The following ZPBP variants were observed in gnomAD, a reference collection of about 807,000 sequenced individuals.
The protein encoded by ZPBP is zona pellucida-binding protein 1.
A neutral mutation model predicts 44.8 loss-of-function variants in ZPBP; 26 were observed. The ratio of observed to expected loss-of-function variants is 0.58; its 90% confidence interval spans 0.43 to 0.81. The LOEUF is 0.81. ZPBP is among the 30% of genes least tolerant of loss of function. The pLI is 0.00. For missense variants in ZPBP, 409 were observed against 434.0 expected (o/e 0.94, Z 0.51); for synonymous variants, 174 against 153.2 (o/e 1.14, Z -1.00).
At chr7:49,925,992 A>C (rs1794224207) in intron 1 of ZPBP, among the ~76,000 whole-genome samples, 1 of 152,192 alleles carries the variant, frequency 6.6e-6, no homozygotes, top group Non-Finnish European at 1.5e-5. Context: ...GGCCCTCAGG[A>C]CCTGCTTGGA....
At chr7:50,042,650 C>CAAGA (rs1415070281) in intron 4 of ZPBP, among the ~76,000 whole-genome samples, 1 of 152,132 alleles carries the variant, frequency 6.6e-6, no homozygotes, top group East Asian at 1.9e-4. Context: ...GCCTGCCTTA[C>CAAGA]AAGAGCTCCT....
chr7:50,053,797 A>G (rs1800803005), intron 4 of ZPBP, among the ~76,000 whole-genome samples: 2 of 152,126 alleles, frequency 1.3e-5, no homozygotes, highest in Admixed American at 6.6e-5. Context: ...TATATTGAAC[A>G]TTGCTCTTTG....
chr7:49,875,369 C>CGAAAAAA (rs1791360849), intron 2 of ZPBP, among the ~76,000 whole-genome samples: 1 of 19,016 alleles, frequency 5.3e-5, no homozygotes, highest in African/African-American at 2.2e-4. Context: ...GATTCTGACT[C>CGAAAAAA]AAAAAAAAAA....
chr7:50,011,673 A>C lies in ZPBP; in HGVS notation c.783+6567T>G, dbSNP rs188399176. Among the ~76,000 whole-genome samples the C allele has an allele frequency of 3.9e-4, 59 of 152,338 alleles. 1 individual carries two copies. The highest frequency in any genetic ancestry group is 1.2e-4 in the Non-Finnish European group (8 of 68,018). On this transcript the variant is annotated intron_variant, in intron 6 of 7. Transcript: ENST00000046087. Reference sequence around the variant, plus strand: ...GTGTGTCTTTAACCAAAACAGAATTAAACTAGAAATTGATAATAAGATATT... The same window carrying C: ...GTGTGTCTTTAACCAAAACAGAATTCAACTAGAAATTGATAATAAGATATT...
At chr7:49,984,540 T>C (rs1384633) in intron 6 of ZPBP, among the ~76,000 whole-genome samples, 77,097 of 151,948 alleles carry the variant, frequency 0.51, 20,406 homozygotes, top group East Asian at 0.69. Flanking sequence ...TAATCAGGCA[T>C]TAAGATTCTC....
intron 2 of ZPBP, among the ~76,000 whole-genome samples, chr7:49,871,948 CA>C (rs1284045936): frequency 2.8e-4 from 32 of 115,674 alleles, no homozygotes; most frequent in Non-Finnish European, 4.4e-4. Context: ...CACACACACA[CA>C]CACACACACC....
At chr7:49,980,358 T>C (rs1302320106) in intron 7 of ZPBP, among the ~76,000 whole-genome samples, 1 of 140,508 alleles carries the variant, frequency 7.1e-6, no homozygotes, top group African/African-American at 2.6e-5. Flanking sequence ...ATATAAAAAT[T>C]AATTTTTCAG....
chr7:50,046,194 C>A (rs1237077875), intron 4 of ZPBP, among the ~76,000 whole-genome samples: 1 of 152,104 alleles, frequency 6.6e-6, no homozygotes, highest in Non-Finnish European at 1.5e-5. Flanking sequence ...CATAAAAATC[C>A]TAGAAGAAAA....
rs376583858 is a variant in ZPBP at position 50,042,959 on chromosome 7, C to A, written c.488-11649G>T. Among the ~76,000 whole-genome samples the A allele has an allele frequency of 2.5e-4, 38 of 152,276 alleles. No individual in the cohort carries two copies. The East Asian group carries it at 6.9e-3, about 28-fold the overall frequency. Reference sequence around the variant, plus strand: ...CCCCAAAACTGGCCATAAACAAAATCTCTGCAGCACTTGACATGCTCGTGA... The same window carrying A: ...CCCCAAAACTGGCCATAAACAAAATATCTGCAGCACTTGACATGCTCGTGA... On this transcript the variant is annotated intron_variant, in intron 4 of 7. Transcript: ENST00000046087.
At chr7:49,938,255 C>A (rs1173466175) in intron 7 of ZPBP, among the ~76,000 whole-genome samples, 1 of 152,060 alleles carries the variant, frequency 6.6e-6, no homozygotes, top group Non-Finnish European at 1.5e-5. Context: ...TTCTAATAAT[C>A]TCCTGATTTC....
At chr7:49,921,219 C>T (rs2128747169) in intron 1 of ZPBP, 1 of 152,294 alleles carries the variant, frequency 6.6e-6, no homozygotes, top group South Asian at 2.1e-4. Context: ...TTTCAGGAAA[C>T]CAGGGTGAGA....
intron 7 of ZPBP, among the ~76,000 whole-genome samples, chr7:49,963,905 A>G (rs1795956620): frequency 6.6e-6 from 1 of 151,816 alleles, no homozygotes; most frequent in Non-Finnish European, 1.5e-5. Context: ...AAAATGAAAA[A>G]GGAATTATAA....
At chr7:49,874,442 T>C (rs1791309544) in intron 2 of ZPBP, among the ~76,000 whole-genome samples, 1 of 152,064 alleles carries the variant, frequency 6.6e-6, no homozygotes, top group Admixed American at 6.6e-5. Flanking sequence ...GGCTGTACTA[T>C]CTAGGTCTGT....
At chr7:49,958,947 T>C (rs1323932195) in intron 7 of ZPBP, among the ~76,000 whole-genome samples, 2 of 152,102 alleles carry the variant, frequency 1.3e-5, no homozygotes, top group Non-Finnish European at 2.9e-5. Context: ...GAAAAAGGTA[T>C]AAATATTAAC....
chr7:49,956,869 A>G (rs1372719108), intron 7 of ZPBP, among the ~76,000 whole-genome samples: 1 of 152,202 alleles, frequency 6.6e-6, no homozygotes, highest in Non-Finnish European at 1.5e-5. Context: ...AGTAGGAGAA[A>G]TCACACCACC....
intron 2 of ZPBP, among the ~76,000 whole-genome samples, chr7:49,873,049 TATG>T (rs1204338353): frequency 1.2e-4 from 18 of 150,962 alleles, no homozygotes; most frequent in Non-Finnish European, 2.7e-4. Context: ...ACAAGAATGA[TATG>T]AAGAAAAAAT....
intron 6 of ZPBP, among the ~76,000 whole-genome samples, chr7:49,997,630 G>A (rs540560857): frequency 1.5e-3 from 235 of 152,280 alleles, no homozygotes; most frequent in Non-Finnish European, 2.8e-3. Context: ...TTCGGGGGAA[G>A]CCATTACCAT....
intron 7 of ZPBP, among the ~76,000 whole-genome samples, chr7:49,965,862 C>T (rs1349981821): frequency 2.0e-5 from 3 of 151,938 alleles, no homozygotes; most frequent in Non-Finnish European, 4.4e-5. Flanking sequence ...CCTAAAGCAA[C>T]TACCAAAATA....
Position 49,852,268 on chromosome 7 carries a change from G to A in ZPBP, n.510-1754C>T, listed in dbSNP as rs181834868. Among the ~76,000 whole-genome samples the A allele has an allele frequency of 2.4e-3, 366 of 152,312 alleles. 2 individuals are homozygous for A. The highest frequency in any genetic ancestry group is 6.8e-3 in the Middle Eastern group (2 of 294). ...CAGGTGAGTGACCCTGGAGCATCAG[G>A]GGGTCATGGTGGCTCTGTGGCTGTG... On this transcript the variant is annotated intron_variant and non_coding_transcript_variant, in intron 2 of 2. Coordinates refer to the ZPBP transcript ENST00000465922.
Sources: allele counts gnomAD v4.1 joint callset (sites outside exome capture counted in the v4.1 genomes callset), GRCh38; gene constraint gnomAD v4.1.1; transcripts MANE v1.5; gene names NCBI Gene and HGNC (gene_info 2026-07-23, HGNC 2026-07-21).